Variants in PTPRM observed in about 807,000 individuals in gnomAD.
PTPRM encodes protein tyrosine phosphatase receptor type M.
A neutral mutation model predicts 186.7 loss-of-function variants in PTPRM; 47 were observed. The observed-to-expected ratio is 0.25, with a 90% confidence interval of 0.20 to 0.32. The LOEUF (loss-of-function observed/expected upper bound fraction) is 0.32, where lower values mean the gene tolerates loss of function less well. Among genes scored for constraint, PTPRM ranks in the 10% least tolerant of loss-of-function variants. PTPRM has a pLI of 1.00. For missense variants in PTPRM, 1,494 were observed against 1,865.0 expected (o/e 0.80, Z 3.66); for synonymous variants, 668 against 674.9 (o/e 0.99, Z 0.16).
At chr18:8,298,315 T>C (rs2095118773) in intron 20 of PTPRM, among the ~76,000 whole-genome samples, 1 of 152,186 alleles carries the variant, frequency 6.6e-6, no homozygotes, top group South Asian at 2.1e-4. Flanking sequence ...CAGAGAGTCT[T>C]GGAAGTGAAG....
At position 8,353,974 on chromosome 18, in the gene PTPRM, G is replaced by A. The variant is rs189850370; in HGVS notation, c.3054+10454G>A. Among the ~76,000 whole-genome samples, 545 of 152,296 alleles carry A rather than the reference G, an allele frequency of 3.6e-3. 2 individuals are homozygous for A. The highest frequency in any genetic ancestry group is 0.012 in the African/African-American group (515 of 41,562). On this transcript the variant is annotated intron_variant, in intron 23 of 32. Transcript: ENST00000580170. ...CACCTGTAATCCCAGCACTTTGGGA[G>A]GCCGAGGCAGGTGGACTGCCTGAGG...
chr18:7,903,175 C>G (rs952607981), intron 3 of PTPRM, among the ~76,000 whole-genome samples: 1 of 152,168 alleles, frequency 6.6e-6, no homozygotes, highest in Non-Finnish European at 1.5e-5. Flanking sequence ...AGGTGGCACT[C>G]AGTAGAGCCT....
chr18:8,346,154 G>A (rs589107), intron 23 of PTPRM, among the ~76,000 whole-genome samples: 81,925 of 152,070 alleles, frequency 0.54, 22,290 homozygotes, highest in East Asian at 0.75. Context: ...CACCAGCCCG[G>A]CCTAGAAGAG....
intron 1 of PTPRM, among the ~76,000 whole-genome samples, chr18:7,739,349 A>G (rs1420241297): frequency 6.6e-6 from 1 of 152,230 alleles, no homozygotes; most frequent in Non-Finnish European, 1.5e-5. Flanking sequence ...ACTATGCTGA[A>G]CTTGAATAAG....
At chr18:7,783,948 G>A (rs377499131) in intron 2 of PTPRM, among the ~76,000 whole-genome samples, 7 of 152,106 alleles carry the variant, frequency 4.6e-5, no homozygotes, top group African/African-American at 1.7e-4. Context: ...GGAGTCACAG[G>A]GGTTTGGAGT....
At chr18:7,583,532 GT>G (rs1408943421) in intron 1 of PTPRM, among the ~76,000 whole-genome samples, 2 of 152,178 alleles carry the variant, frequency 1.3e-5, no homozygotes, top group Non-Finnish European at 2.9e-5. Context: ...TCATTTTGAT[GT>G]TAAAACAATT....
intron 3 of PTPRM, among the ~76,000 whole-genome samples, chr18:7,890,202 AT>A (rs1175570030): frequency 6.6e-6 from 1 of 152,158 alleles, no homozygotes; most frequent in African/African-American, 2.4e-5. Context: ...TCTTTCTTTA[AT>A]TCCTTTGGCT....
intron 3 of PTPRM, among the ~76,000 whole-genome samples, chr18:7,906,103 A>G (rs1449680037): frequency 2.0e-5 from 3 of 151,630 alleles, no homozygotes; most frequent in Non-Finnish European, 4.4e-5. Context: ...TGGAGAGGTA[A>G]CCCCAAAGCC....
chr18:8,248,196 C>T lies in PTPRM; in HGVS notation c.2554+20C>T, dbSNP rs1172216707. 6.6e-7 allele frequency: 1 copy of T among 1,524,178 alleles called. No individual in the cohort carries two copies. The highest frequency in any genetic ancestry group is 9.1e-7 in the Non-Finnish European group (1 of 1,098,228). 94.4% of individuals were successfully genotyped at this position (1,524,178 alleles called of 1,614,324 possible). A position where few individuals can be genotyped will look rare whatever the true frequency, so the allele number is the denominator to read the frequency against. On this transcript the variant is annotated intron_variant, in intron 17 of 32. Coordinates refer to ENST00000580170, the MANE Select transcript of PTPRM (RefSeq NM_001105244.2). ...TTTTAGGTGAGAACATTTCCCTTTA[C>T]CACAGTTTATTGCAGGAGTAATTTA...
rs186474152 is a variant in PTPRM at position 8,354,899 on chromosome 18, A to C, written c.3054+11379A>C. On this transcript the variant is annotated intron_variant, in intron 23 of 32. Coordinates refer to ENST00000580170, the MANE Select transcript of PTPRM (RefSeq NM_001105244.2). ...GAGATGAAGCAGCACCTAGAAGGGAACAGGGTCTAGACAGTGATTATAATG... is the reference window on the plus strand; with the variant it reads ...GAGATGAAGCAGCACCTAGAAGGGACCAGGGTCTAGACAGTGATTATAATG... 5.6e-4 allele frequency among the ~76,000 whole-genome samples: 86 copies of C among 152,328 alleles called. 1 individual carries two copies. Among genetic ancestry groups the C allele is most frequent in the Admixed American group, 2.4e-3 (36 of 15,312 alleles).
chr18:7,950,533 G>A (rs1318834509), intron 6 of PTPRM, among the ~76,000 whole-genome samples: 1 of 152,246 alleles, frequency 6.6e-6, no homozygotes, highest in Non-Finnish European at 1.5e-5. Flanking sequence ...CTATGGGCCA[G>A]TGGCTTGCCC....
chr18:8,395,742 C>G (rs935592739), intron 32 of PTPRM, among the ~76,000 whole-genome samples: 1 of 152,188 alleles, frequency 6.6e-6, no homozygotes, highest in Non-Finnish European at 1.5e-5. Context: ...CTCCTGCGCC[C>G]CTCCTCCCCA....
At chr18:7,822,552 T>C (rs2045255165) in intron 2 of PTPRM, among the ~76,000 whole-genome samples, 1 of 152,248 alleles carries the variant, frequency 6.6e-6, no homozygotes, top group African/African-American at 2.4e-5. Context: ...TTTAGTTTCA[T>C]TGCTCAGGCT....
chr18:7,679,901 G>A (rs1002740489), intron 1 of PTPRM, among the ~76,000 whole-genome samples: 10 of 151,614 alleles, frequency 6.6e-5, no homozygotes, highest in Non-Finnish European at 7.4e-5. Flanking sequence ...GATCTCACTC[G>A]GTCACTCAGG....
At chr18:8,127,222 G>A (rs2092389776) in intron 13 of PTPRM, among the ~76,000 whole-genome samples, 1 of 152,138 alleles carries the variant, frequency 6.6e-6, no homozygotes, top group African/African-American at 2.4e-5. Flanking sequence ...AATACAGTAA[G>A]TACTGGTCAT....
intron 14 of PTPRM, among the ~76,000 whole-genome samples, chr18:8,232,467 G>A (rs540743948): frequency 6.6e-6 from 1 of 152,336 alleles, no homozygotes; most frequent in South Asian, 2.1e-4. Context: ...TAAATAGCAA[G>A]GAGCATAACT....
intron 19 of PTPRM, among the ~76,000 whole-genome samples, chr18:8,269,565 G>C (rs1246169702): frequency 6.6e-6 from 1 of 151,696 alleles, no homozygotes; most frequent in African/African-American, 2.4e-5. Context: ...AACTACAAAG[G>C]ACCCCAAATA....
intron 29 of PTPRM, among the ~76,000 whole-genome samples, chr18:8,383,509 A>G (rs1344192472): frequency 2.0e-5 from 3 of 151,982 alleles, no homozygotes; most frequent in Non-Finnish European, 4.4e-5. Flanking sequence ...GGTGCTGGCT[A>G]ATAAGCACCT....
chr18:7,674,395 G>A (rs1210587073), intron 1 of PTPRM, among the ~76,000 whole-genome samples: 1 of 152,196 alleles, frequency 6.6e-6, no homozygotes, highest in East Asian at 1.9e-4. Flanking sequence ...GTTTGTGAGA[G>A]GGGAGCTGAA....
Sources: gnomAD v4.1 joint callset for allele counts (sites outside exome capture counted in the v4.1 genomes callset) on GRCh38, gnomAD v4.1.1 for gene constraint, MANE v1.5 for transcripts, NCBI Gene and HGNC (gene_info 2026-07-23, HGNC 2026-07-21) for gene names.